The following ROR1 variants were observed in gnomAD, a reference collection of about 807,000 sequenced individuals.
The protein encoded by ROR1 is ROR family WNT receptor 1, also known as inactive tyrosine-protein kinase transmembrane receptor ROR1.
In ROR1, 19 loss-of-function variants were observed where a neutral mutation model predicts 78.8. The ratio of observed to expected loss-of-function variants is 0.24; its 90% CI spans 0.17 to 0.35. The LOEUF (loss-of-function observed/expected upper bound fraction) is 0.35. Ranked by LOEUF, ROR1 falls within the 10% of genes least tolerant of loss-of-function variation. The probability of loss-of-function intolerance (pLI) is 1.00; values close to 1 mark genes in which losing one functional copy is unlikely to be tolerated. For synonymous variants in ROR1, 386 were observed against 433.6 expected (o/e 0.89, Z 1.36); for missense variants, 917 against 1,177.8 (o/e 0.78, Z 3.24).
intron 1 of ROR1, among the ~76,000 whole-genome samples, chr1:63,843,922 T>A (rs1169950692): frequency 6.6e-6 from 1 of 152,176 alleles, no homozygotes; most frequent in African/African-American, 2.4e-5. Flanking sequence ...TAAATCTGAC[T>A]CTTCCCTGCT....
At chr1:63,869,575 T>C (rs898047333) in intron 1 of ROR1, among the ~76,000 whole-genome samples, 4 of 152,248 alleles carry the variant, frequency 2.6e-5, no homozygotes, top group African/African-American at 7.2e-5. Flanking sequence ...CACTTTGCAC[T>C]GAAGAATCAT....
chr1:63,810,423 A>G (rs1016874328), intron 1 of ROR1, among the ~76,000 whole-genome samples: 8 of 152,318 alleles, frequency 5.3e-5, no homozygotes, highest in Admixed American at 4.6e-4. Context: ...TGTGTCCAGA[A>G]CCATTGTTGA....
chr1:64,100,794 G>A (rs542822839), intron 4 of ROR1, among the ~76,000 whole-genome samples: 6 of 152,276 alleles, frequency 3.9e-5, no homozygotes, highest in Admixed American at 3.9e-4. Flanking sequence ...AATTCTATAG[G>A]AGTCAAGAGT....
intron 1 of ROR1, among the ~76,000 whole-genome samples, chr1:63,945,554 A>G (rs1645880272): frequency 6.6e-6 from 1 of 152,156 alleles, no homozygotes; most frequent in Admixed American, 6.5e-5. Context: ...GTTTCCTTCT[A>G]GTACCAGAAT....
intron 1 of ROR1, among the ~76,000 whole-genome samples, chr1:63,867,583 C>T (rs981408565): frequency 6.6e-6 from 1 of 152,208 alleles, no homozygotes; most frequent in African/African-American, 2.4e-5. Context: ...TAGCAGGCGA[C>T]TCCCTTGTCA....
At chr1:64,096,581 A>G (rs1366878932) in intron 4 of ROR1, among the ~76,000 whole-genome samples, 1 of 152,034 alleles carries the variant, frequency 6.6e-6, no homozygotes, top group East Asian at 1.9e-4. Flanking sequence ...ATTCTTTTTT[A>G]TGGCTGCATT....
At chr1:64,125,849 A>G (rs1648695079) in intron 4 of ROR1, among the ~76,000 whole-genome samples, 1 of 152,156 alleles carries the variant, frequency 6.6e-6, no homozygotes. Context: ...TTTTATAAAC[A>G]TTTATTTGGT....
intron 1 of ROR1, among the ~76,000 whole-genome samples, chr1:63,929,346 C>A (rs1284511298): frequency 6.6e-6 from 1 of 152,134 alleles, no homozygotes; most frequent in African/African-American, 2.4e-5. Context: ...GGCCAAATCC[C>A]ATTTATTCTT....
chr1:63,876,349 A>T (rs1645284889), intron 1 of ROR1, among the ~76,000 whole-genome samples: 1 of 152,084 alleles, frequency 6.6e-6, no homozygotes, highest in African/African-American at 2.4e-5. Context: ...GAAGAATTTC[A>T]TTTTTTACTT....
chr1:64,078,356 T>C (rs1435319697), intron 4 of ROR1, among the ~76,000 whole-genome samples: 1 of 152,116 alleles, frequency 6.6e-6, no homozygotes, highest in East Asian at 1.9e-4. Context: ...ACTGCAGATC[T>C]TTGGTATGTG....
intron 7 of ROR1, among the ~76,000 whole-genome samples, chr1:64,151,248 G>A (rs770363138): frequency 6.6e-6 from 1 of 152,190 alleles, no homozygotes; most frequent in African/African-American, 2.4e-5. Flanking sequence ...AGCTGAGACT[G>A]AAGAGAGGGC....
At chr1:64,143,749 C>T (rs1000323072) in intron 7 of ROR1, among the ~76,000 whole-genome samples, 7 of 151,978 alleles carry the variant, frequency 4.6e-5, no homozygotes, top group Non-Finnish European at 8.8e-5. Context: ...GTCATGGAGG[C>T]GGAACAAGCA....
At chr1:63,874,835 CCTT>C (rs1645274296) in intron 1 of ROR1, among the ~76,000 whole-genome samples, 1 of 152,088 alleles carries the variant, frequency 6.6e-6, no homozygotes, top group Non-Finnish European at 1.5e-5. Flanking sequence ...CATTTTCTCT[CCTT>C]CTTGCTCTCC....
At chr1:63,815,727 T>C (rs1644888124) in intron 1 of ROR1, among the ~76,000 whole-genome samples, 1 of 152,016 alleles carries the variant, frequency 6.6e-6, no homozygotes, top group Non-Finnish European at 1.5e-5. Flanking sequence ...ATTGTGTGGG[T>C]GAATTTGAGA....
At chr1:64,008,213 A>C (rs1414117935) in intron 1 of ROR1, among the ~76,000 whole-genome samples, 1 of 152,060 alleles carries the variant, frequency 6.6e-6, no homozygotes, top group Admixed American at 6.5e-5. Flanking sequence ...AGAACACATG[A>C]TATTTGGTTT....
intron 4 of ROR1, among the ~76,000 whole-genome samples, chr1:64,051,172 C>T (rs1646825252): frequency 6.6e-6 from 1 of 152,148 alleles, no homozygotes; most frequent in Non-Finnish European, 1.5e-5. Context: ...GAAGTTCTGG[C>T]TGGGCGCGGT....
At position 64,180,357 on chromosome 1, in the gene ROR1, A is replaced by G. The variant is rs1321048188; in HGVS notation, c.*1502A>G. On this transcript the variant is annotated 3_prime_UTR_variant, in exon 9 of 9. Coordinates refer to ENST00000371079, the MANE Select transcript of ROR1 (RefSeq NM_005012.4). ...AGACTTCTAAAGAGACTTACGGGAT[A>G]TAAAAGTAATTCCTGGAAATGATAT... The G allele has an allele frequency of 6.6e-6, 1 of 152,264 alleles. No individual in the cohort carries two copies. Among genetic ancestry groups the G allele is most frequent in the African/African-American group, 2.4e-5 (1 of 41,478 alleles). The allele number at this position is 152,264 out of a possible 1,614,324, so 9.4% of individuals were successfully genotyped here. A position where few individuals can be genotyped will look rare whatever the true frequency, so the allele number is the denominator to read the frequency against.
At chr1:63,775,753 T>C (rs958539924) in intron 1 of ROR1, among the ~76,000 whole-genome samples, 7 of 152,214 alleles carry the variant, frequency 4.6e-5, no homozygotes, top group Non-Finnish European at 8.8e-5. Context: ...AATTTTGATT[T>C]CTTAGAGATG....
intron 2 of ROR1, among the ~76,000 whole-genome samples, chr1:64,033,609 T>C (rs1461523007): frequency 6.6e-6 from 1 of 152,222 alleles, no homozygotes; most frequent in Non-Finnish European, 1.5e-5. Flanking sequence ...AGTTACCTCA[T>C]TGTCTAGACA....
Sources: allele counts gnomAD v4.1 joint callset (sites outside exome capture counted in the v4.1 genomes callset), GRCh38; gene constraint gnomAD v4.1.1; transcripts MANE v1.5; gene names NCBI Gene and HGNC (gene_info 2026-07-23, HGNC 2026-07-21).